The following ABCA12 variants were observed in gnomAD, a reference collection of about 807,000 sequenced individuals.
ABCA12 encodes ATP binding cassette subfamily A member 12.
A neutral mutation model predicts 293.5 loss-of-function variants in ABCA12; 156 were observed. That is an observed-to-expected ratio of 0.53 (90% CI 0.47 to 0.61). The LOEUF (loss-of-function observed/expected upper bound fraction) is 0.61, where lower values mean the gene tolerates loss of function less well. ABCA12 is among the 20% of genes least tolerant of loss of function. The probability of loss-of-function intolerance (pLI) is 0.00; values close to 1 mark genes in which losing one functional copy is unlikely to be tolerated. For missense variants in ABCA12, 2,797 were observed against 3,090.2 expected, an observed-to-expected ratio of 0.91 and a Z score of 2.25; for synonymous variants, 1,063 against 1,108.0, an observed-to-expected ratio of 0.96 and a Z score of 0.81.
At chr2:215,038,989 A>G (rs1042544080) in intron 7 of ABCA12, 2 of 151,684 alleles carry the variant, frequency 1.3e-5, no homozygotes, top group African/African-American at 4.8e-5. Context: ...TTATCAAAAC[A>G]AAACATCATC....
At chr2:215,026,760 C>T in intron 10 of ABCA12, 60 bp downstream of exon 10, 1 of 1,410,728 alleles carries the variant, frequency 7.1e-7, no homozygotes, top group South Asian at 1.2e-5. Context: ...CAAAAACTCA[C>T]TACTTTAGAA....
chr2:215,059,681 T>C (rs1191025233), intron 3 of ABCA12, among the ~76,000 whole-genome samples: 2 of 151,994 alleles, frequency 1.3e-5, no homozygotes, highest in Non-Finnish European at 2.9e-5. Context: ...GTATCCTACA[T>C]GTGTCAGGAA....
intron 44 of ABCA12, among the ~76,000 whole-genome samples, chr2:214,953,434 C>A (rs1698841241): frequency 6.6e-6 from 1 of 152,170 alleles, no homozygotes; most frequent in African/African-American, 2.4e-5. Context: ...ATGCTGTCTT[C>A]ACTTTTTCTT....
intron 3 of ABCA12, among the ~76,000 whole-genome samples, chr2:215,055,679 C>G (rs1008155813): frequency 4.7e-5 from 7 of 149,578 alleles, no homozygotes; most frequent in Non-Finnish European, 8.9e-5. Flanking sequence ...AATCCTAGTT[C>G]CAGGGTACTT....
chr2:215,064,102 C>A lies in ABCA12; in HGVS notation c.281G>T (p.Arg94Leu). The A allele has an allele frequency of 2.5e-6, 4 of 1,612,820 alleles. No individual in the cohort carries two copies. The highest frequency in any genetic ancestry group is 3.4e-6 in the Non-Finnish European group (4 of 1,179,170). Reference sequence around the variant, plus strand: ...TAGTGCATCATCAATTCCTTTCCTACGAAGCAGATCTTGTGGGCCATAGGG... The same window carrying A: ...TAGTGCATCATCAATTCCTTTCCTAAGAAGCAGATCTTGTGGGCCATAGGG... ...DTPYGPQDLL[R>L]RKGIDDALFK... is the part of the protein sequence containing the mutation. The change falls in exon 3 of 53, where the codon CGT becomes CTT. Residue 94 changes from arginine (R) to leucine (L), a missense_variant. Arg to Leu is a moderately radical substitution (Grantham distance 102). This residue lies in a region of ABCA12 where 656 missense variants were observed against 638.2 expected (regional missense o/e 1.03). Transcript: ENST00000272895.
At chr2:214,974,925 T>A in intron 34 of ABCA12, 61 bp from the exon 35 acceptor site, 1 of 1,421,650 alleles carries the variant, frequency 7.0e-7, no homozygotes, top group Non-Finnish European at 9.9e-7. Flanking sequence ...CATATTAAAA[T>A]CATGCTTGAA....
chr2:214,970,505 T>A, intron 36 of ABCA12, 105 bp from the exon 37 acceptor site: 2 of 1,287,842 alleles, frequency 1.6e-6, no homozygotes, highest in Admixed American at 1.8e-5. Flanking sequence ...TTACTGCAAC[T>A]GGTAGAGTGT....
chr2:215,001,429 T>C, intron 21 of ABCA12, 129 bp downstream of exon 21: 1 of 1,135,812 alleles, frequency 8.8e-7, no homozygotes, highest in South Asian at 1.3e-5. Context: ...AGGTTCTCTT[T>C]TCTAAGGACA....
At chr2:214,948,021 G>C (rs1698635996) in intron 47 of ABCA12, 1 of 192,394 alleles carries the variant, frequency 5.2e-6, no homozygotes, top group Admixed American at 5.3e-5. Flanking sequence ...TAGGAATCAT[G>C]GGTTCTTGCA....
chr2:215,074,132 G>A (rs989707136), intron 2 of ABCA12, among the ~76,000 whole-genome samples: 1 of 152,066 alleles, frequency 6.6e-6, no homozygotes, highest in African/African-American at 2.4e-5. Context: ...ATTCCATGGG[G>A]CACACTTTGG....
chr2:214,982,782 A>T (rs943217072), intron 29 of ABCA12, among the ~76,000 whole-genome samples: 1 of 152,192 alleles, frequency 6.6e-6, no homozygotes, highest in African/African-American at 2.4e-5. Flanking sequence ...TGTTCTAGTA[A>T]GTGTGTGTAT....
Position 215,099,907 on chromosome 2 carries a change from A to G in ABCA12, c.163+11690T>C, listed in dbSNP as rs555024932. On this transcript the variant is annotated intron_variant, in intron 2 of 52. Coordinates refer to ENST00000272895, the MANE Select transcript of ABCA12 (RefSeq NM_173076.3). ...CCCATGCTGTAAAACACAAAATTAA[A>G]TAACTCTTCACAGACTTCCAATGTT... 4.5e-4 allele frequency among the ~76,000 whole-genome samples: 68 copies of G among 152,308 alleles called. No homozygotes were observed. In the South Asian group the frequency reaches 0.014, roughly 31 times the overall value.
At chr2:214,989,209 T>TATATATATATATATATATATATATA in intron 26 of ABCA12, 120 bp downstream of exon 26, 1 of 167,432 alleles carries the variant, frequency 6.0e-6, no homozygotes, top group Admixed American at 7.4e-5. Context: ...TATATATATA[T>TATATATATATATATATATATATATA]AATATTTTTA....
intron 22 of ABCA12, among the ~76,000 whole-genome samples, chr2:214,998,886 G>T (rs901730214): frequency 2.0e-5 from 3 of 152,160 alleles, no homozygotes; most frequent in African/African-American, 7.2e-5. Flanking sequence ...CTCTGTTTAT[G>T]TGTTGGGCTC....
rs1371802092 is a variant in ABCA12, at chr2:215,134,614, TATAGAGAG to T, written c.69+3518_69+3525del. ...CTCTCTCTCTCTATATATATATATA[TATAGAGAG>T]AGAGAGAGAGAGAGAGAGACAAACA... is the stretch of plus-strand genomic sequence containing the variant. On this transcript the variant is annotated intron_variant, in intron 1 of 52. Transcript: ENST00000272895. Among the ~76,000 whole-genome samples, 22 of 86,284 alleles carry T rather than the reference TATAGAGAG, an allele frequency of 2.5e-4. 2 individuals carry two copies. Among genetic ancestry groups the T allele is most frequent in the African/African-American group, 8.2e-4 (9 of 10,946 alleles). The allele number at this position is 86,284 out of a possible 152,430, so 56.6% of individuals were successfully genotyped here. A position where few individuals can be genotyped will look rare whatever the true frequency, so the allele number is the denominator to read the frequency against.
chr2:215,052,434 C>G, intron 5 of ABCA12, 53 bp downstream of exon 5: 2 of 1,441,014 alleles, frequency 1.4e-6, no homozygotes, highest in Non-Finnish European at 2.0e-6. Flanking sequence ...TTCTATTAAC[C>G]TAAAAGGCCT....
chr2:214,986,448 TTA>T, intron 28 of ABCA12, 92 bp downstream of exon 28: 1 of 1,183,596 alleles, frequency 8.4e-7, no homozygotes, highest in Non-Finnish European at 1.2e-6. Flanking sequence ...TGTAATAACT[TTA>T]TGTTTTATAA....
Position 215,019,564 on chromosome 2 carries a change from C to G in ABCA12, c.1520G>C (p.Ser507Thr). 6.2e-7 allele frequency: 1 copy of G among 1,614,180 alleles called. No homozygotes were observed. The highest frequency in any genetic ancestry group is 8.5e-7 in the Non-Finnish European group (1 of 1,180,018). ...KVRDLLTGDP[S>T]KINLNMDQFL... ...CTGATCCATATTTAAATTAATTTTG[C>G]TTGGATCTCCAGTCAGCAAATCTCT... Residue 507 changes from serine to threonine, a missense_variant, in exon 12 of 53, where the codon AGC becomes ACC. By Grantham distance (58) the Ser-to-Thr change is moderately conservative. This residue lies in a region of ABCA12 where 656 missense variants were observed against 638.2 expected (regional missense o/e 1.03). Transcript: ENST00000272895.
intron 2 of ABCA12, among the ~76,000 whole-genome samples, chr2:215,088,383 A>G (rs1343598225): frequency 6.6e-6 from 1 of 152,242 alleles, no homozygotes; most frequent in Non-Finnish European, 1.5e-5. Context: ...AATGGCTGCC[A>G]TCTTACTGTT....
Sources: allele counts gnomAD v4.1 joint callset (sites outside exome capture counted in the v4.1 genomes callset), GRCh38; gene constraint gnomAD v4.1.1; regional missense constraint gnomAD v4.1.1; transcripts MANE v1.5; gene names NCBI Gene and HGNC (gene_info 2026-07-23, HGNC 2026-07-21).